CASQ2: variants seen among roughly 807,000 people sequenced by gnomAD.
The protein encoded by CASQ2 is calsequestrin 2.
Under a neutral mutation model 46.5 loss-of-function variants are expected in CASQ2, and 49 were observed. That is an observed-to-expected ratio of 1.05 (90% CI 0.84 to 1.34). CASQ2 has a LOEUF of 1.34. CASQ2 is among the 40% of genes most tolerant of loss of function. CASQ2 has a pLI of 0.00. For synonymous variants in CASQ2, 174 were observed against 168.5 expected (o/e 1.03, Z -0.25); for missense variants, 486 against 481.3 (o/e 1.01, Z -0.09).
intron 8 of CASQ2, among the ~76,000 whole-genome samples, chr1:115,717,411 G>T (rs1354937800): frequency 3.9e-5 from 6 of 152,142 alleles, no homozygotes; most frequent in African/African-American, 9.7e-5. Context: ...CCCTTACCCA[G>T]ATCAATCAAT....
At chr1:115,749,161 A>G (rs1382370948) in intron 1 of CASQ2, among the ~76,000 whole-genome samples, 2 of 152,206 alleles carry the variant, frequency 1.3e-5, no homozygotes, top group Non-Finnish European at 2.9e-5. Flanking sequence ...CATAGGAGAG[A>G]TGTATTAATA....
intron 5 of CASQ2, among the ~76,000 whole-genome samples, chr1:115,729,246 C>G (rs746386237): frequency 6.6e-6 from 1 of 151,884 alleles, no homozygotes; most frequent in Non-Finnish European, 1.5e-5. Context: ...GATGGGGTTT[C>G]GCCATGTTGG....
chr1:115,760,688 A>T (rs1648906079), intron 1 of CASQ2, among the ~76,000 whole-genome samples: 1 of 152,154 alleles, frequency 6.6e-6, no homozygotes. Context: ...GACCAATTAA[A>T]CCAGCACCTG....
intron 7 of CASQ2, among the ~76,000 whole-genome samples, chr1:115,723,305 T>TATCTATC (rs1647455098): frequency 6.0e-4 from 90 of 148,866 alleles, no homozygotes; most frequent in East Asian, 2.6e-3. Flanking sequence ...ATCTATCTAT[T>TATCTATC]TATCTATCTA....
intron 6 of CASQ2, 124 bp downstream of exon 6, chr1:115,726,868 G>T: frequency 1.3e-6 from 1 of 743,008 alleles, no homozygotes; most frequent in Non-Finnish European, 2.4e-6. Flanking sequence ...ATACTACTGA[G>T]TTCTGTACTG....
At chr1:115,713,718 CGCCTGCTCT>C (rs1206593765) in intron 8 of CASQ2, among the ~76,000 whole-genome samples, 1 of 152,178 alleles carries the variant, frequency 6.6e-6, no homozygotes, top group Non-Finnish European at 1.5e-5. Context: ...TTCTCACCTC[CGCCTGCTCT>C]GCCTGCTCGT....
chr1:115,738,372 A>G, intron 3 of CASQ2, 37 bp from the exon 4 acceptor site: 3 of 1,284,832 alleles, frequency 2.3e-6, no homozygotes, highest in Middle Eastern at 1.8e-4. Flanking sequence ...ATGTTCAAAC[A>G]AGAGATTTCC....
At chr1:115,756,398 G>A (rs1190861737) in intron 1 of CASQ2, among the ~76,000 whole-genome samples, 1 of 152,198 alleles carries the variant, frequency 6.6e-6, no homozygotes, top group African/African-American at 2.4e-5. Flanking sequence ...GTTCTTCAGG[G>A]GGCTGACTTT....
chr1:115,706,214 G>A (rs1470461128), intron 8 of CASQ2, among the ~76,000 whole-genome samples: 1 of 152,088 alleles, frequency 6.6e-6, no homozygotes, highest in African/African-American at 2.4e-5. Flanking sequence ...GTGCACGCGT[G>A]CATGTGCAGA....
intron 9 of CASQ2, among the ~76,000 whole-genome samples, chr1:115,704,501 G>A (rs549854010): frequency 6.6e-6 from 1 of 152,148 alleles, no homozygotes; most frequent in African/African-American, 2.4e-5. Context: ...TCTAGTTCCA[G>A]GCATACAGTA....
chr1:115,761,610 G>A (rs867806204), intron 1 of CASQ2, among the ~76,000 whole-genome samples: 4 of 150,494 alleles, frequency 2.7e-5, no homozygotes, highest in Non-Finnish European at 5.9e-5. Context: ...GTCACTCTCC[G>A]CTAAAGTTTA....
At chr1:115,765,044 T>C (rs1015379413) in intron 1 of CASQ2, among the ~76,000 whole-genome samples, 1 of 152,174 alleles carries the variant, frequency 6.6e-6, no homozygotes, top group African/African-American at 2.4e-5. Flanking sequence ...ATATTTGCTG[T>C]TTTGCCAGTA....
chr1:115,709,058 AG>A (rs1654450100), intron 8 of CASQ2, among the ~76,000 whole-genome samples: 1 of 152,236 alleles, frequency 6.6e-6, no homozygotes, highest in South Asian at 2.1e-4. Flanking sequence ...AAAGCCTCCA[AG>A]GCTCTCCCCT....
intron 6 of CASQ2, 145 bp from the exon 7 acceptor site, chr1:115,725,698 T>C (rs1041508410): frequency 7.7e-6 from 8 of 1,043,986 alleles, no homozygotes; most frequent in Non-Finnish European, 9.7e-6. Flanking sequence ...AACCCACTTA[T>C]CTTCTAAGGA....
At chr1:115,738,019 C>A (rs1051182111) in intron 4 of CASQ2, among the ~76,000 whole-genome samples, 21 of 152,176 alleles carry the variant, frequency 1.4e-4, no homozygotes, top group African/African-American at 4.8e-4. Flanking sequence ...AACCTGGCCC[C>A]TCCTTAATAT....
At chr1:115,726,947 T>TGCCCC in intron 6 of CASQ2, 45 bp downstream of exon 6, 21 of 1,036,544 alleles carry the variant, frequency 2.0e-5, no homozygotes, top group African/African-American at 3.1e-5. Flanking sequence ...TCCTCTCCAT[T>TGCCCC]CCCCAGACCC....
In CASQ2 at chr1:115,738,318, C is replaced by T. The variant is rs1267466684; in HGVS notation, c.438G>A (p.Val146=). ...EFLLDLIEDP[V]EIISSKLEVQ... is the part of the protein sequence containing the mutation. Reference sequence around the variant, plus strand: ...CTTCCAGTTTGCTGCTGATGATCTCCACTGGGTCTTCAATTAGCTGAAATG... The same window carrying T: ...CTTCCAGTTTGCTGCTGATGATCTCTACTGGGTCTTCAATTAGCTGAAATG... Residue 146 remains valine (V), a synonymous_variant, in exon 4 of 11, where the codon GTG becomes GTA. Coordinates refer to ENST00000261448, the MANE Select transcript of CASQ2 (RefSeq NM_001232.4). 4 of 1,610,122 alleles carry T rather than the reference C, an allele frequency of 2.5e-6. No individual in the cohort carries two copies. Among genetic ancestry groups the T allele is most frequent in the Non-Finnish European group, 3.4e-6 (4 of 1,176,314 alleles).
At chr1:115,727,533 T>C (rs1238167037) in intron 5 of CASQ2, among the ~76,000 whole-genome samples, 2 of 152,232 alleles carry the variant, frequency 1.3e-5, no homozygotes, top group Non-Finnish European at 2.9e-5. Context: ...AGGCAATTGA[T>C]GGAGATCCTT....
At chr1:115,761,488 G>GAAGA (rs1557806828) in intron 1 of CASQ2, among the ~76,000 whole-genome samples, 24 of 13,132 alleles carry the variant, frequency 1.8e-3, no homozygotes, top group African/African-American at 5.2e-3. Context: ...GAAGAAGAAG[G>GAAGA]AGAAGAAGGA....
Sources: allele counts gnomAD v4.1 joint callset (sites outside exome capture counted in the v4.1 genomes callset), GRCh38; gene constraint gnomAD v4.1.1; transcripts MANE v1.5; gene names NCBI Gene and HGNC (gene_info 2026-07-23, HGNC 2026-07-21).